The following NRXN1 variants were observed in gnomAD, a reference collection of about 807,000 sequenced individuals.
NRXN1 encodes the protein neurexin 1.
In NRXN1, 39 loss-of-function variants were observed where a neutral mutation model predicts 150.9. The ratio of observed to expected loss-of-function variants is 0.26; its 90% confidence interval spans 0.20 to 0.34. The LOEUF is 0.34. NRXN1 is among the 10% of genes least tolerant of loss of function. The pLI, the probability that NRXN1 is intolerant of heterozygous loss-of-function variation, is 1.00. For missense variants in NRXN1, 1,815 were observed against 1,949.9 expected (o/e 0.93, Z 1.30); for synonymous variants, 924 against 757.0 (o/e 1.22, Z -3.62).
intron 17 of NRXN1, among the ~76,000 whole-genome samples, chr2:50,430,296 G>A (rs956339330): frequency 3.3e-4 from 50 of 151,866 alleles, no homozygotes; most frequent in African/African-American, 1.2e-3. Flanking sequence ...ATATCAGTCT[G>A]TAATTTCACT....
At chr2:50,247,417 G>C (rs1235576912) in intron 17 of NRXN1, among the ~76,000 whole-genome samples, 1 of 152,058 alleles carries the variant, frequency 6.6e-6, no homozygotes, top group Admixed American at 6.6e-5. Flanking sequence ...AAATCTGACA[G>C]ATAGCACCTT....
intron 2 of NRXN1, among the ~76,000 whole-genome samples, chr2:50,964,682 T>A (rs1558501434): frequency 6.6e-6 from 1 of 151,424 alleles, no homozygotes. Flanking sequence ...TTAGACCCAA[T>A]TTTCTATAGA....
At chr2:50,190,241 C>A (rs1344990996) in intron 18 of NRXN1, among the ~76,000 whole-genome samples, 1 of 152,074 alleles carries the variant, frequency 6.6e-6, no homozygotes, top group Non-Finnish European at 1.5e-5. Flanking sequence ...GAATATATTT[C>A]AACTATGAAA....
At chr2:50,093,365 C>A (rs1699824210) in intron 18 of NRXN1, among the ~76,000 whole-genome samples, 1 of 151,536 alleles carries the variant, frequency 6.6e-6, no homozygotes, top group Admixed American at 6.6e-5. Context: ...TGTATAATCC[C>A]AGCAGTTTGG....
intron 5 of NRXN1, among the ~76,000 whole-genome samples, chr2:50,774,161 A>T (rs1169466690): frequency 6.6e-6 from 1 of 152,126 alleles, no homozygotes; most frequent in East Asian, 1.9e-4. Context: ...TGTTCCCTTT[A>T]ATGATACTGT....
chr2:50,482,915 G>T (rs927053450), intron 15 of NRXN1, among the ~76,000 whole-genome samples: 2 of 151,960 alleles, frequency 1.3e-5, no homozygotes, highest in Admixed American at 6.5e-5. Flanking sequence ...GCTGTGCGTG[G>T]TGGCATGCGT....
intron 17 of NRXN1, among the ~76,000 whole-genome samples, chr2:50,300,112 T>C (rs1162917911): frequency 6.6e-6 from 1 of 152,050 alleles, no homozygotes; most frequent in Non-Finnish European, 1.5e-5. Context: ...AAAAAGAATA[T>C]GAGAGCAATT....
At chr2:50,959,108 T>C (rs1443986045) in intron 2 of NRXN1, among the ~76,000 whole-genome samples, 2 of 152,080 alleles carry the variant, frequency 1.3e-5, no homozygotes, top group Non-Finnish European at 2.9e-5. Context: ...ATAACAAGTG[T>C]CGGTGAAAAT....
intron 5 of NRXN1, among the ~76,000 whole-genome samples, chr2:50,852,609 T>C (rs897195703): frequency 2.6e-5 from 4 of 152,156 alleles, no homozygotes; most frequent in African/African-American, 4.8e-5. Flanking sequence ...TTGTCTTTCA[T>C]AGAATCTCAG....
At position 50,084,017 on chromosome 2, in the gene NRXN1, C is replaced by G. The variant is rs968095268; in HGVS notation, c.3718+7306G>C. Among the ~76,000 whole-genome samples, 4 of 152,262 alleles carry G rather than the reference C, an allele frequency of 2.6e-5. No homozygotes were observed. The South Asian group carries it at 6.2e-4, about 24-fold the overall frequency. ...AATCCCTTAGCTAGACATAAAGATTCTCCAAGTCCCCACCAGATTAGTTAG... is the reference window on the plus strand; with the variant it reads ...AATCCCTTAGCTAGACATAAAGATTGTCCAAGTCCCCACCAGATTAGTTAG... On this transcript the variant is annotated intron_variant, in intron 19 of 22. Transcript: ENST00000401669.
intron 5 of NRXN1, among the ~76,000 whole-genome samples, chr2:50,760,410 A>G (rs1701671802): frequency 6.6e-6 from 1 of 151,804 alleles, no homozygotes; most frequent in Admixed American, 6.6e-5. Flanking sequence ...CCTTACCAGC[A>G]AAATCCCTAG....
chr2:50,310,941 T>C (rs1180758965), intron 17 of NRXN1, among the ~76,000 whole-genome samples: 5 of 152,148 alleles, frequency 3.3e-5, no homozygotes, highest in African/African-American at 1.2e-4. Flanking sequence ...CAAATTAAAA[T>C]ATTTGAAGAA....
intron 17 of NRXN1, among the ~76,000 whole-genome samples, chr2:50,250,990 TTATTACACATTGCATATGTGTAA>T (rs202210624): frequency 5.7e-4 from 81 of 141,600 alleles, no homozygotes; most frequent in South Asian, 1.1e-3. Flanking sequence ...TGTAATAAAT[TTATTACACATTGCATATGTGTAA>T]TATTACATAT....
chr2:50,514,306 T>C (rs1040618612), intron 12 of NRXN1, among the ~76,000 whole-genome samples: 4 of 152,154 alleles, frequency 2.6e-5, no homozygotes, highest in African/African-American at 9.7e-5. Context: ...CTACAGCACC[T>C]GGTAATTGAA....
At chr2:50,182,170 T>G (rs186324627) in intron 18 of NRXN1, among the ~76,000 whole-genome samples, 3 of 151,474 alleles carry the variant, frequency 2.0e-5, no homozygotes, top group African/African-American at 7.3e-5. Context: ...CCTCTCTGAT[T>G]GACAAATAAA....
chr2:50,804,132 A>C (rs1264227630), intron 5 of NRXN1, among the ~76,000 whole-genome samples: 1 of 152,230 alleles, frequency 6.6e-6, no homozygotes, highest in African/African-American at 2.4e-5. Flanking sequence ...TCAGTTCTCG[A>C]AATGAAATCA....
intron 18 of NRXN1, among the ~76,000 whole-genome samples, chr2:50,094,696 G>A (rs1478707620): frequency 1.3e-5 from 2 of 151,186 alleles, no homozygotes; most frequent in Non-Finnish European, 2.9e-5. Context: ...GTGTAGAATT[G>A]TATTGTATCC....
chr2:50,074,458 A>G (rs1454997164), intron 19 of NRXN1, among the ~76,000 whole-genome samples: 8 of 152,178 alleles, frequency 5.3e-5, no homozygotes. Context: ...AAGTTACTAT[A>G]TCTTCTGTAA....
intron 18 of NRXN1, 54 bp from the exon 19 acceptor site, chr2:50,091,548 A>G (rs761050507): frequency 8.0e-5 from 125 of 1,555,606 alleles, no homozygotes; most frequent in Non-Finnish European, 1.1e-4. Flanking sequence ...GTCACCATTT[A>G]ATAAAGATTA....
Sources: allele counts gnomAD v4.1 joint callset (sites outside exome capture counted in the v4.1 genomes callset), GRCh38; gene constraint gnomAD v4.1.1; transcripts MANE v1.5; gene names NCBI Gene and HGNC (gene_info 2026-07-23, HGNC 2026-07-21).